Variants in ARHGAP22 observed in about 807,000 individuals in gnomAD.
ARHGAP22 encodes Rho GTPase activating protein 22.
In ARHGAP22, 48 loss-of-function variants were observed where a neutral mutation model predicts 59.1. The observed-to-expected ratio is 0.81, with a 90% CI of 0.64 to 1.03. The LOEUF (loss-of-function observed/expected upper bound fraction) is 1.03, where lower values mean the gene tolerates loss of function less well. Ranked by LOEUF, ARHGAP22 falls within the 50% of genes least tolerant of loss-of-function variation. The pLI is 0.00. For missense variants in ARHGAP22, 1,015 were observed against 958.7 expected (o/e 1.06, Z -0.78); for synonymous variants, 445 against 416.4 (o/e 1.07, Z -0.84).
At chr10:48,479,242 G>A (rs1232898596) in intron 4 of ARHGAP22, 2 of 240,032 alleles carry the variant, frequency 8.3e-6, no homozygotes, top group Admixed American at 1.1e-4. Context: ...CCACACCCCC[G>A]CCGTCCTCTC....
chr10:48,476,503 G>C (rs988160742), intron 4 of ARHGAP22, among the ~76,000 whole-genome samples: 1 of 152,186 alleles, frequency 6.6e-6, no homozygotes, highest in African/African-American at 2.4e-5. Context: ...GCTAATAACA[G>C]CTCTGCCAGA....
the ARHGAP22 span, among the ~76,000 whole-genome samples, chr10:48,434,277 A>G: frequency 2.0e-5 from 3 of 152,230 alleles, no homozygotes; most frequent in Admixed American, 6.5e-5. Flanking sequence ...TGACAGTGGC[A>G]TGTCCCATAA....
chr10:48,644,795 T>C (rs1302960646), intron 1 of ARHGAP22, among the ~76,000 whole-genome samples: 2 of 152,144 alleles, frequency 1.3e-5, no homozygotes, highest in Non-Finnish European at 2.9e-5. Flanking sequence ...AATCTATAGC[T>C]TTAAATGCGT....
chr10:48,506,822 T>C (rs2052188713), intron 3 of ARHGAP22, among the ~76,000 whole-genome samples: 1 of 152,174 alleles, frequency 6.6e-6, no homozygotes, highest in African/African-American at 2.4e-5. Flanking sequence ...TTCAAGCCTG[T>C]AGACAACCTT....
intron 4 of ARHGAP22, among the ~76,000 whole-genome samples, chr10:48,476,793 T>C (rs1200189571): frequency 6.6e-6 from 1 of 152,148 alleles, no homozygotes; most frequent in East Asian, 1.9e-4. Context: ...GAGATGGACA[T>C]GTGGCCGGGG....
At chr10:48,466,201 C>G (rs1283541006) in intron 4 of ARHGAP22, among the ~76,000 whole-genome samples, 1 of 151,984 alleles carries the variant, frequency 6.6e-6, no homozygotes, top group Non-Finnish European at 1.5e-5. Flanking sequence ...GGTCAGAGCC[C>G]GAGGCTCGGA....
chr10:48,603,622 T>G (rs569837061), intron 1 of ARHGAP22, among the ~76,000 whole-genome samples: 1 of 152,354 alleles, frequency 6.6e-6, no homozygotes, highest in Admixed American at 6.5e-5. Context: ...CAGAGGTATC[T>G]GGCTTGTCCT....
intron 1 of ARHGAP22, among the ~76,000 whole-genome samples, chr10:48,641,124 T>A (rs1281018605): frequency 6.6e-6 from 1 of 151,458 alleles, no homozygotes; most frequent in African/African-American, 2.4e-5. Flanking sequence ...AATAGAAAAA[T>A]TAAAATGGTA....
At chr10:48,586,578 C>T (rs1354878659) in intron 1 of ARHGAP22, among the ~76,000 whole-genome samples, 1 of 152,164 alleles carries the variant, frequency 6.6e-6, no homozygotes, top group African/African-American at 2.4e-5. Context: ...CTATACACTG[C>T]CTTCTAGAGA....
chr10:48,515,578 T>C lies in ARHGAP22; in HGVS notation c.323-35814A>G, dbSNP rs142895558. Among the ~76,000 whole-genome samples, 891 of 152,270 alleles carry C rather than the reference T, an allele frequency of 5.9e-3. 11 individuals are homozygous for C. The highest frequency in any genetic ancestry group is 0.02 in the African/African-American group (838 of 41,554). On this transcript the variant is annotated intron_variant, in intron 3 of 9. Coordinates refer to ENST00000249601, the MANE Select transcript of ARHGAP22 (RefSeq NM_021226.4). ...CATAAGGAATCAAGCAGACCTAACA[T>C]ACAACTGTAGAATGCTCCACCTAAT...
intron 4 of ARHGAP22, among the ~76,000 whole-genome samples, chr10:48,461,214 A>G (rs1416693736): frequency 6.6e-6 from 1 of 152,252 alleles, no homozygotes; most frequent in East Asian, 1.9e-4. Context: ...GCCAAACCCC[A>G]GAGTGCACAC....
chr10:48,617,524 A>G (rs1186967693), intron 1 of ARHGAP22, among the ~76,000 whole-genome samples: 1 of 152,076 alleles, frequency 6.6e-6, no homozygotes, highest in African/African-American at 2.4e-5. Flanking sequence ...ACATCAGAAT[A>G]AAGCTAGAAA....
chr10:48,535,248 C>G (rs1212669514), intron 3 of ARHGAP22, among the ~76,000 whole-genome samples: 1 of 152,242 alleles, frequency 6.6e-6, no homozygotes, highest in African/African-American at 2.4e-5. Context: ...TTCATGCTTG[C>G]TGCTCTAACA....
downstream of ARHGAP22, among the ~76,000 whole-genome samples, chr10:48,441,148 T>C (rs570367382): frequency 6.6e-6 from 1 of 152,332 alleles, no homozygotes; most frequent in Admixed American, 6.5e-5. Flanking sequence ...CCTGTAGACC[T>C]CTCTAATTGT....
intron 1 of ARHGAP22, among the ~76,000 whole-genome samples, chr10:48,627,082 T>C (rs1017475829): frequency 1.4e-4 from 21 of 152,114 alleles, no homozygotes; most frequent in African/African-American, 4.1e-4. Context: ...CACATGGAGG[T>C]TCTGGGAGCG....
At chr10:48,494,737 T>C (rs1272134415) in intron 3 of ARHGAP22, among the ~76,000 whole-genome samples, 1 of 152,194 alleles carries the variant, frequency 6.6e-6, no homozygotes. Context: ...CCTACTGTTC[T>C]TGGAATAAAA....
chr10:48,524,201 AG>A (rs1371592076), intron 3 of ARHGAP22: 1 of 875,668 alleles, frequency 1.1e-6, no homozygotes, highest in East Asian at 9.2e-5. Flanking sequence ...GGCAGTGCCC[AG>A]CTGGGCGCAG....
chr10:48,534,685 C>A (rs1398101323), intron 3 of ARHGAP22, among the ~76,000 whole-genome samples: 1 of 152,206 alleles, frequency 6.6e-6, no homozygotes, highest in African/African-American at 2.4e-5. Context: ...TCATAATCTC[C>A]ATTTTACAGA....
chr10:48,496,920 T>C (rs149916436), intron 3 of ARHGAP22, among the ~76,000 whole-genome samples: 154 of 152,208 alleles, frequency 1.0e-3, no homozygotes, highest in African/African-American at 3.4e-3. Context: ...CACACTCGGC[T>C]TTCTCAGGTC....
Sources: allele counts gnomAD v4.1 joint callset (sites outside exome capture counted in the v4.1 genomes callset), GRCh38; gene constraint gnomAD v4.1.1; transcripts MANE v1.5; gene names NCBI Gene and HGNC (gene_info 2026-07-23, HGNC 2026-07-21).